Variants in ADCY2 observed in about 807,000 individuals in gnomAD.
The protein encoded by ADCY2 is adenylate cyclase type 2.
A neutral mutation model predicts 125.2 loss-of-function variants in ADCY2; 31 were observed. The ratio of observed to expected loss-of-function variants is 0.25; its 90% CI spans 0.19 to 0.33. The LOEUF (loss-of-function observed/expected upper bound fraction) is 0.33, where lower values mean the gene tolerates loss of function less well. Ranked by LOEUF, ADCY2 falls within the 10% of genes least tolerant of loss-of-function variation. The pLI is 1.00. For synonymous variants in ADCY2, 512 were observed against 548.4 expected (o/e 0.93, Z 0.93); for missense variants, 904 against 1,418.2 (o/e 0.64, Z 5.82).
chr5:7,733,065 A>G (rs890938369), intron 14 of ADCY2, among the ~76,000 whole-genome samples: 2 of 152,228 alleles, frequency 1.3e-5, no homozygotes, highest in Admixed American at 6.5e-5. Flanking sequence ...TTATCTGCCA[A>G]ACTAAATGGA....
intron 1 of ADCY2, among the ~76,000 whole-genome samples, chr5:7,406,383 C>G (rs772476566): frequency 2.0e-5 from 3 of 152,214 alleles, no homozygotes; most frequent in African/African-American, 7.2e-5. Context: ...AGCCATCTAC[C>G]CAGCCACCTC....
chr5:7,781,589 T>G (rs1350772), intron 18 of ADCY2, among the ~76,000 whole-genome samples: 147,930 of 152,254 alleles, frequency 0.97, 72,002 homozygotes, highest in South Asian at 1. Context: ...CATTCCCTAA[T>G]GGTTTCAGAA....
At chr5:7,804,751 C>T (rs1376816240) in intron 22 of ADCY2, 59 bp downstream of exon 22, 48 of 1,301,644 alleles carry the variant, frequency 3.7e-5, no homozygotes, top group Non-Finnish European at 5.1e-5. Context: ...CACAAACCAC[C>T]CTGGGACCAA....
At position 7,454,945 on chromosome 5, in the gene ADCY2, AT is replaced by A. The variant is rs1561035048; in HGVS notation, c.408+40181del. 3.9e-5 allele frequency among the ~76,000 whole-genome samples: 6 copies of A among 152,186 alleles called. 1 individual carries two copies. Among genetic ancestry groups the A allele is most frequent in the South Asian group, 4.1e-4 (2 of 4,820 alleles). On this transcript the variant is annotated intron_variant, in intron 2 of 24. Coordinates refer to ENST00000338316, the MANE Select transcript of ADCY2 (RefSeq NM_020546.3). Reference sequence around the variant, plus strand: ...GATAAATCCCCCTCATGCATAGAGCATTTTTTATGTGCTTTTTGATAGTTAT... The same window carrying A: ...GATAAATCCCCCTCATGCATAGAGCATTTTTATGTGCTTTTTGATAGTTAT...
rs1347919732 is a variant in ADCY2, at chr5:7,501,131, T to A, written c.409-19607T>A. On this transcript the variant is annotated intron_variant, in intron 2 of 24. Coordinates refer to ENST00000338316, the MANE Select transcript of ADCY2 (RefSeq NM_020546.3). ...TACAATTTAAATAAAAGCTTTTTTTTAAAAAAAAAAAAAAAGGTCTACATT... is the reference window on the plus strand; with the variant it reads ...TACAATTTAAATAAAAGCTTTTTTTAAAAAAAAAAAAAAAAGGTCTACATT... 1.9e-3 allele frequency among the ~76,000 whole-genome samples: 268 copies of A among 144,012 alleles called. 2 individuals carry two copies. Among genetic ancestry groups the A allele is most frequent in the Middle Eastern group, 7.2e-3 (2 of 278 alleles). 94.5% of individuals were successfully genotyped at this position (144,012 alleles called of 152,430 possible).
chr5:7,548,487 T>A (rs1735221470), intron 3 of ADCY2, among the ~76,000 whole-genome samples: 1 of 143,514 alleles, frequency 7.0e-6, no homozygotes, highest in Non-Finnish European at 1.5e-5. Context: ...TGTAGCAAAT[T>A]TTTTTAGAAC....
chr5:7,515,738 A>G (rs529505364), intron 2 of ADCY2, among the ~76,000 whole-genome samples: 4 of 152,224 alleles, frequency 2.6e-5, no homozygotes, highest in African/African-American at 9.6e-5. Flanking sequence ...CAGACAGCAA[A>G]TATTCATGAG....
chr5:7,552,808 G>A (rs528154514), intron 3 of ADCY2, among the ~76,000 whole-genome samples: 1 of 152,132 alleles, frequency 6.6e-6, no homozygotes, highest in Admixed American at 6.5e-5. Context: ...GGTTGCCCTT[G>A]TACTAAAGCT....
At chr5:7,552,478 T>A (rs1241746671) in intron 3 of ADCY2, among the ~76,000 whole-genome samples, 4 of 152,226 alleles carry the variant, frequency 2.6e-5, no homozygotes, top group Non-Finnish European at 4.4e-5. Context: ...ATCCACATAC[T>A]GTATTTAAGA....
intron 20 of ADCY2, among the ~76,000 whole-genome samples, chr5:7,792,746 C>T (rs953192798): frequency 2.0e-5 from 3 of 152,214 alleles, no homozygotes; most frequent in Non-Finnish European, 4.4e-5. Context: ...AGTGCGGCCT[C>T]AAATCTTACT....
intron 3 of ADCY2, among the ~76,000 whole-genome samples, chr5:7,622,162 C>T (rs538137999): frequency 6.6e-6 from 1 of 152,242 alleles, no homozygotes; most frequent in African/African-American, 2.4e-5. Flanking sequence ...TAACAGTCTT[C>T]TGGAAAATAA....
At chr5:7,450,391 A>C (rs1051079911) in intron 2 of ADCY2, among the ~76,000 whole-genome samples, 8 of 152,216 alleles carry the variant, frequency 5.3e-5, no homozygotes, top group Non-Finnish European at 1.0e-4. Flanking sequence ...CCCTTAAGCC[A>C]AAGCCTAATC....
chr5:7,822,771 A>G (rs1745342646), intron 24 of ADCY2, among the ~76,000 whole-genome samples: 1 of 151,770 alleles, frequency 6.6e-6, no homozygotes, highest in South Asian at 2.1e-4. Context: ...TATTTGTCTC[A>G]CTCTCAGAAA....
At chr5:7,491,022 A>G (rs1743144050) in intron 2 of ADCY2, among the ~76,000 whole-genome samples, 1 of 152,212 alleles carries the variant, frequency 6.6e-6, no homozygotes, top group Admixed American at 6.5e-5. Context: ...TTAAAATACT[A>G]GTAAGAAAAT....
At chr5:7,815,937 T>C (rs1745098632) in intron 22 of ADCY2, among the ~76,000 whole-genome samples, 1 of 152,210 alleles carries the variant, frequency 6.6e-6, no homozygotes, top group Non-Finnish European at 1.5e-5. Flanking sequence ...TGGTCTCTCC[T>C]GAGGCCTCTC....
intron 4 of ADCY2, among the ~76,000 whole-genome samples, chr5:7,635,214 A>T (rs1335723289): frequency 2.0e-5 from 3 of 152,146 alleles, no homozygotes; most frequent in Non-Finnish European, 4.4e-5. Flanking sequence ...AGCAACGTAA[A>T]CTGATTAACA....
chr5:7,635,834 T>G (rs564071102), intron 4 of ADCY2, among the ~76,000 whole-genome samples: 2 of 152,300 alleles, frequency 1.3e-5, no homozygotes, highest in Admixed American at 1.3e-4. Context: ...TGATTTGTTT[T>G]TTCCTAATTT....
chr5:7,664,573 C>T (rs1270558337), intron 4 of ADCY2, among the ~76,000 whole-genome samples: 1 of 152,134 alleles, frequency 6.6e-6, no homozygotes, highest in Admixed American at 6.5e-5. Flanking sequence ...TTTTCTGTGA[C>T]CCTGTATATC....
chr5:7,501,650 C>CCCCT lies in ADCY2; in HGVS notation c.409-19085_409-19084insTCCC, dbSNP rs1743590510. On this transcript the variant is annotated intron_variant, in intron 2 of 24. Transcript: ENST00000338316. ...AAAAAGAATGAGATTCCCCCCTCCC[C>CCCCT]CCCCCCCCGCCAGTAACTTCAAGTT... Among the ~76,000 whole-genome samples the CCCCT allele has an allele frequency of 1.2e-4, 11 of 95,366 alleles. 1 individual carries two copies. The highest frequency in any genetic ancestry group is 1.6e-4 in the Non-Finnish European group (7 of 42,508). 62.6% of individuals were successfully genotyped at this position (95,366 alleles called of 152,430 possible). A position where few individuals can be genotyped will look rare whatever the true frequency, so the allele number is the denominator to read the frequency against.
Sources: allele counts gnomAD v4.1 joint callset (sites outside exome capture counted in the v4.1 genomes callset), GRCh38; gene constraint gnomAD v4.1.1; transcripts MANE v1.5; gene names NCBI Gene and HGNC (gene_info 2026-07-23, HGNC 2026-07-21).